The following FBXO36 variants were observed in gnomAD, a reference collection of about 807,000 sequenced individuals.
FBXO36 encodes F-box protein 36.
FBXO36 carries 18 observed loss-of-function variants against 17.0 expected under a neutral mutation model. That is an observed-to-expected ratio of 1.06 (90% CI 0.73 to 1.57). The LOEUF (loss-of-function observed/expected upper bound fraction) is 1.57. Among genes scored for constraint, FBXO36 ranks in the 40% most tolerant of loss-of-function variants. The pLI, the probability that FBXO36 is intolerant of heterozygous loss-of-function variation, is 0.00. For missense variants in FBXO36, 229 were observed against 221.9 expected, an observed-to-expected ratio of 1.03 and a Z score of -0.20; for synonymous variants, 83 against 85.3, an observed-to-expected ratio of 0.97 and a Z score of 0.15.
At chr2:229,942,357 C>G (rs1054806280) in intron 1 of FBXO36, among the ~76,000 whole-genome samples, 1 of 152,178 alleles carries the variant, frequency 6.6e-6, no homozygotes, top group African/African-American at 2.4e-5. Flanking sequence ...CTCTTCAGTT[C>G]TTCATTCTGT....
intron 1 of FBXO36, chr2:229,973,270 TCAC>T (rs920735272): frequency 1.4e-4 from 22 of 152,062 alleles, no homozygotes; most frequent in African/African-American, 5.3e-4. Flanking sequence ...CTTAAAAAAA[TCAC>T]CAATTTGAGA....
At chr2:229,954,227 C>G (rs936059889) in intron 1 of FBXO36, among the ~76,000 whole-genome samples, 2 of 72,350 alleles carry the variant, frequency 2.8e-5, no homozygotes, top group East Asian at 8.8e-4. Flanking sequence ...CATTACAAAC[C>G]CTTTGGATTT....
intron 3 of FBXO36, among the ~76,000 whole-genome samples, chr2:230,007,803 C>T (rs780774207): frequency 2.6e-5 from 4 of 152,034 alleles, no homozygotes; most frequent in African/African-American, 7.2e-5. Context: ...ACCATGTTGG[C>T]CAGGCTGTTC....
At chr2:229,994,708 G>A (rs960749265) in intron 2 of FBXO36, among the ~76,000 whole-genome samples, 2 of 152,200 alleles carry the variant, frequency 1.3e-5, no homozygotes, top group Non-Finnish European at 2.9e-5. Context: ...AGACTCCATA[G>A]TGGAGCTTTC....
intron 1 of FBXO36, among the ~76,000 whole-genome samples, chr2:229,926,789 T>C (rs951161088): frequency 6.6e-6 from 1 of 152,100 alleles, no homozygotes; most frequent in Non-Finnish European, 1.5e-5. Context: ...TTACATATAT[T>C]TTCTTATATT....
rs905019899 is a variant in FBXO36 at position 229,976,229 on chromosome 2, A to G, written c.97-12A>G. On this transcript the variant is annotated splice_polypyrimidine_tract_variant and intron_variant, in intron 1 of 3. Transcript: ENST00000283946. Reference sequence around the variant, plus strand: ...TCAATTTTAATTCATATCACTTTGTATTTAATTATAGGTAATCTTTAGATG... The same window carrying G: ...TCAATTTTAATTCATATCACTTTGTGTTTAATTATAGGTAATCTTTAGATG... The G allele has an allele frequency of 3.2e-6, 5 of 1,568,200 alleles. No individual in the cohort carries two copies. The highest frequency in any genetic ancestry group is 4.3e-6 in the Non-Finnish European group (5 of 1,154,480).
chr2:229,953,228 A>C (rs2077066575), intron 1 of FBXO36, among the ~76,000 whole-genome samples: 1 of 152,068 alleles, frequency 6.6e-6, no homozygotes, highest in South Asian at 2.1e-4. Context: ...AATCCCAGCT[A>C]CTTGGAAGGC....
At chr2:229,959,120 CT>C (rs927503609) in intron 1 of FBXO36, among the ~76,000 whole-genome samples, 3 of 151,964 alleles carry the variant, frequency 2.0e-5, no homozygotes, top group Non-Finnish European at 4.4e-5. Context: ...GCTTATATGA[CT>C]TTTTTTTCTG....
intron 1 of FBXO36, among the ~76,000 whole-genome samples, chr2:229,946,507 C>T (rs2077027707): frequency 6.6e-6 from 1 of 152,228 alleles, no homozygotes; most frequent in African/African-American, 2.4e-5. Flanking sequence ...GTGTCTTAAA[C>T]ATCCAGTTAA....
intron 1 of FBXO36, among the ~76,000 whole-genome samples, chr2:229,966,145 T>C (rs1307467082): frequency 2.0e-5 from 3 of 152,244 alleles, no homozygotes; most frequent in African/African-American, 7.2e-5. Flanking sequence ...ATGAGCATTT[T>C]TTCCTGTGTC....
chr2:229,926,509 C>G (rs1349469948), intron 1 of FBXO36, among the ~76,000 whole-genome samples: 1 of 151,710 alleles, frequency 6.6e-6, no homozygotes, highest in Non-Finnish European at 1.5e-5. Context: ...ATTTTGGGAG[C>G]CTGACGGGTG....
chr2:229,995,882 G>A (rs576970141), intron 2 of FBXO36, among the ~76,000 whole-genome samples: 49 of 151,528 alleles, frequency 3.2e-4, no homozygotes, highest in African/African-American at 8.7e-4. Flanking sequence ...GTGAGCCTCC[G>A]TGCCCAGCCC....
At chr2:229,923,295 C>T (rs1472245952) in intron 1 of FBXO36, 1 of 152,122 alleles carries the variant, frequency 6.6e-6, no homozygotes, top group South Asian at 2.1e-4. Context: ...TAACCATCGG[C>T]CTATTTTTAT....
intron 2 of FBXO36, among the ~76,000 whole-genome samples, chr2:229,992,277 C>A (rs1367420023): frequency 6.6e-6 from 1 of 151,920 alleles, no homozygotes; most frequent in Non-Finnish European, 1.5e-5. Flanking sequence ...CATGCCTCAG[C>A]CTTGTAAGTA....
chr2:229,988,863 A>T (rs1464096810), intron 2 of FBXO36, among the ~76,000 whole-genome samples: 1 of 136,332 alleles, frequency 7.3e-6, no homozygotes. Flanking sequence ...TTTTTACCGC[A>T]TAGTATTTAT....
chr2:229,931,977 T>C (rs2076940932), intron 1 of FBXO36, among the ~76,000 whole-genome samples: 1 of 149,710 alleles, frequency 6.7e-6, no homozygotes, highest in Non-Finnish European at 1.5e-5. Flanking sequence ...AGTGCAGTGG[T>C]GCAATCATAG....
chr2:229,982,169 A>G (rs969371507), intron 2 of FBXO36, among the ~76,000 whole-genome samples: 1 of 151,900 alleles, frequency 6.6e-6, no homozygotes, highest in African/African-American at 2.4e-5. Context: ...GACTACAGGC[A>G]TGTGCCACCA....
At position 230,011,446 on chromosome 2, in the gene FBXO36, AGG is replaced by A. The variant is rs1362826628; in HGVS notation, c.*564_*565del. 1 of 152,346 alleles carries A rather than the reference AGG, an allele frequency of 6.6e-6. No individual in the cohort carries two copies. The highest frequency in any genetic ancestry group is 1.5e-5 in the Non-Finnish European group (1 of 68,206). The allele number at this position is 152,346 out of a possible 1,614,324, so 9.4% of individuals were successfully genotyped here. On this transcript the variant is annotated 3_prime_UTR_variant, in exon 4 of 4. Coordinates refer to ENST00000283946, the MANE Select transcript of FBXO36 (RefSeq NM_174899.5). ...CCTATCCTTGTGAGCCCAGGATGCCAGGGTCCATCCCCGCATGTAGACAGCTT... is the reference window on the plus strand; with the variant it reads ...CCTATCCTTGTGAGCCCAGGATGCCAGTCCATCCCCGCATGTAGACAGCTT...
chr2:229,989,471 G>T (rs1166802008), intron 2 of FBXO36, among the ~76,000 whole-genome samples: 1 of 152,034 alleles, frequency 6.6e-6, no homozygotes, highest in Non-Finnish European at 1.5e-5. Context: ...TGGTCAGGCT[G>T]ATCTTGAACT....
Sources: gnomAD v4.1 joint callset for allele counts (sites outside exome capture counted in the v4.1 genomes callset) on GRCh38, gnomAD v4.1.1 for gene constraint, MANE v1.5 for transcripts, NCBI Gene and HGNC (gene_info 2026-07-23, HGNC 2026-07-21) for gene names.